ELF1: variants seen among roughly 807,000 people sequenced by gnomAD.
ELF1 encodes ETS-related transcription factor Elf-1.
Under a neutral mutation model 59.9 loss-of-function variants are expected in ELF1, and 24 were observed. The ratio of observed to expected loss-of-function variants is 0.40; its 90% confidence interval spans 0.29 to 0.56. The LOEUF is 0.56. ELF1 is among the 20% of genes least tolerant of loss of function. The pLI, the probability that ELF1 is intolerant of heterozygous loss-of-function variation, is 0.44. For missense variants in ELF1, 627 were observed against 742.2 expected, an observed-to-expected ratio of 0.84 and a Z score of 1.80; for synonymous variants, 248 against 266.2, an observed-to-expected ratio of 0.93 and a Z score of 0.67.
chr13:41,036,668 G>A (rs879654246), intron 1 of ELF1, among the ~76,000 whole-genome samples: 15 of 152,068 alleles, frequency 9.9e-5, no homozygotes, highest in Non-Finnish European at 1.8e-4. Flanking sequence ...TGCTTATTGC[G>A]GCACTATTCA....
chr13:40,994,009 T>TAA (rs1555276987), intron 1 of ELF1, among the ~76,000 whole-genome samples: 6 of 146,000 alleles, frequency 4.1e-5, no homozygotes, highest in Admixed American at 1.4e-4. Flanking sequence ...ATGCTAATAA[T>TAA]AAAAAAAAAA....
intron 2 of ELF1, among the ~76,000 whole-genome samples, chr13:40,980,432 C>G (rs1283013970): frequency 6.6e-6 from 1 of 152,114 alleles, no homozygotes; most frequent in Non-Finnish European, 1.5e-5. Context: ...AGTACCATCT[C>G]CCTTTCCAAA....
rs1873315257 is a variant in ELF1, at chr13:40,982,213, C to T, written c.-159G>A. The stretch of plus-strand genomic sequence containing the variant: ...CTTTAGGGAAGGTGCTTCAGTTTTC[C>T]TGGTTCATTGATATTCTAGTCAAAT... On this transcript the variant is annotated 5_prime_UTR_variant, in exon 2 of 9. Transcript: ENST00000239882. 1.5e-6 allele frequency: 2 copies of T among 1,307,892 alleles called. No homozygotes were observed. The highest frequency in any genetic ancestry group is 9.7e-7 in the Non-Finnish European group (1 of 1,027,178). 81.0% of individuals were successfully genotyped at this position (1,307,892 alleles called of 1,614,324 possible).
At chr13:40,967,367 C>T (rs1413951363) in intron 2 of ELF1, among the ~76,000 whole-genome samples, 2 of 152,150 alleles carry the variant, frequency 1.3e-5, no homozygotes, top group African/African-American at 4.8e-5. Context: ...GCAAGTTATC[C>T]AGCCTCTCTA....
At chr13:41,036,925 AG>A (rs1339655742) in intron 1 of ELF1, among the ~76,000 whole-genome samples, 3 of 146,906 alleles carry the variant, frequency 2.0e-5, no homozygotes, top group South Asian at 2.3e-4. Context: ...GGACACAGGA[AG>A]GGGAACATCA....
intron 1 of ELF1, among the ~76,000 whole-genome samples, chr13:41,015,940 T>C (rs1875333688): frequency 6.6e-6 from 1 of 152,136 alleles, no homozygotes; most frequent in Non-Finnish European, 1.5e-5. Context: ...GAATAAAACC[T>C]TTCTCCTCTC....
At chr13:41,031,840 A>T (rs1037009011) in intron 1 of ELF1, among the ~76,000 whole-genome samples, 1 of 143,592 alleles carries the variant, frequency 7.0e-6, no homozygotes, top group South Asian at 2.3e-4. Flanking sequence ...AAAAAAAAAA[A>T]GTCTCCTCAT....
Position 40,933,291 on chromosome 13 carries a change from A to T in ELF1, c.*134T>A. The T allele has an allele frequency of 8.5e-7, 1 of 1,178,566 alleles. No individual in the cohort carries two copies. The highest frequency in any genetic ancestry group is 1.7e-5 in the South Asian group (1 of 58,248). 73.0% of individuals were successfully genotyped at this position (1,178,566 alleles called of 1,614,324 possible). ...TGAGTTTTCCTCCCTCATCTAACAA[A>T]GTCAAAATTAACTCTATTTTTAACA... On this transcript the variant is annotated 3_prime_UTR_variant, in exon 9 of 9. Transcript: ENST00000239882.
chr13:40,959,495 C>CA (rs1871676929), intron 2 of ELF1, among the ~76,000 whole-genome samples: 1 of 151,612 alleles, frequency 6.6e-6, no homozygotes, highest in Non-Finnish European at 1.5e-5. Flanking sequence ...GGCTCCTTCT[C>CA]AAAAAATAAA....
intron 1 of ELF1, among the ~76,000 whole-genome samples, chr13:41,042,008 G>A (rs1401539544): frequency 1.3e-5 from 2 of 152,120 alleles, no homozygotes; most frequent in South Asian, 2.1e-4. Flanking sequence ...CTCTATAGGA[G>A]ATATTATTTA....
chr13:41,022,356 G>C (rs980947931), upstream of ELF1, among the ~76,000 whole-genome samples: 1 of 152,128 alleles, frequency 6.6e-6, no homozygotes, highest in African/African-American at 2.4e-5. Flanking sequence ...TAATGGAAAA[G>C]GCAAAACAGA....
At chr13:40,951,255 G>T in intron 4 of ELF1, 74 bp downstream of exon 4, 1 of 1,207,440 alleles carries the variant, frequency 8.3e-7, no homozygotes, top group Non-Finnish European at 1.2e-6. Flanking sequence ...CTAATCTCTT[G>T]ATTTTACTAA....
chr13:41,017,703 C>A (rs1468209429), intron 1 of ELF1, among the ~76,000 whole-genome samples: 1 of 151,946 alleles, frequency 6.6e-6, no homozygotes, highest in East Asian at 1.9e-4. Flanking sequence ...AACCAAATTC[C>A]TCTACTTCTC....
Position 41,057,296 on chromosome 13 carries a change from A to G in ELF1, c.-229+3542T>C, listed in dbSNP as rs187738624. On this transcript the variant is annotated intron_variant, in intron 1 of 1. Transcript: ENST00000405737. Reference sequence around the variant, plus strand: ...CTTAGGCTTGCAAGTAGCTAGGACTACAGGCATGTGGCATCACACCTGGCT... The same window carrying G: ...CTTAGGCTTGCAAGTAGCTAGGACTGCAGGCATGTGGCATCACACCTGGCT... Among the ~76,000 whole-genome samples the G allele has an allele frequency of 5.6e-4, 85 of 151,682 alleles. 1 individual carries two copies. Among genetic ancestry groups the G allele is most frequent in the Non-Finnish European group, 4.7e-4 (32 of 67,908 alleles).
intron 1 of ELF1, among the ~76,000 whole-genome samples, chr13:41,032,485 T>A (rs9532709): frequency 3.3e-5 from 5 of 151,802 alleles, no homozygotes; most frequent in South Asian, 2.1e-4. Flanking sequence ...CCCAAAGTGC[T>A]GGGATTACAG....
At chr13:40,954,527 C>T (rs940657961) in intron 3 of ELF1, among the ~76,000 whole-genome samples, 2 of 151,612 alleles carry the variant, frequency 1.3e-5, no homozygotes, top group Non-Finnish European at 3.0e-5. Context: ...GCTGCCATCT[C>T]GGCTCACTGC....
intron 1 of ELF1, among the ~76,000 whole-genome samples, chr13:40,983,195 G>A (rs566362787): frequency 2.3e-4 from 35 of 152,198 alleles, no homozygotes; most frequent in African/African-American, 7.9e-4. Context: ...GGCCTGAAAA[G>A]AAAGATACAA....
intron 1 of ELF1, among the ~76,000 whole-genome samples, chr13:41,027,719 G>T (rs1398752717): frequency 6.6e-6 from 1 of 152,138 alleles, no homozygotes; most frequent in Non-Finnish European, 1.5e-5. Context: ...CTACCATCAT[G>T]GCATTCTACA....
At chr13:40,956,398 C>G (rs1017628741) in intron 3 of ELF1, among the ~76,000 whole-genome samples, 31 of 152,034 alleles carry the variant, frequency 2.0e-4, no homozygotes, top group Admixed American at 5.2e-4. Context: ...GTCATCACCA[C>G]TCCCTAATCT....
Sources: allele counts gnomAD v4.1 joint callset (sites outside exome capture counted in the v4.1 genomes callset), GRCh38; gene constraint gnomAD v4.1.1; transcripts MANE v1.5; gene names NCBI Gene and HGNC (gene_info 2026-07-23, HGNC 2026-07-21).